ATXN1L: variants seen among roughly 807,000 people sequenced by gnomAD.
ATXN1L encodes ataxin 1 like.
ATXN1L carries 8 observed loss-of-function variants against 43.4 expected under a neutral mutation model. The observed-to-expected ratio is 0.18, with a 90% CI of 0.11 to 0.33. ATXN1L has a LOEUF of 0.33. Ranked by LOEUF, ATXN1L falls within the 10% of genes least tolerant of loss-of-function variation. The probability of loss-of-function intolerance (pLI) is 1.00; values close to 1 mark genes in which losing one functional copy is unlikely to be tolerated. For missense variants in ATXN1L, 856 were observed against 885.4 expected (o/e 0.97, Z 0.42); for synonymous variants, 379 against 360.6 (o/e 1.05, Z -0.58).
rs1020278921 is a variant in ATXN1L at position 71,851,535 on chromosome 16, A to G, written c.1795A>G (p.Ser599Gly). 6.4e-6 allele frequency: 10 copies of G among 1,551,330 alleles called. No individual in the cohort carries two copies. The Admixed American group carries it at 2.0e-4, about 30-fold the overall frequency. ...SVSQASCAPPSQLGPPRERPE... is the reference protein window; with the variant it reads ...SVSQASCAPPGQLGPPRERPE... ...TTCTCAGGCCAGCTGTGCTCCCCCA[A>G]GCCAGCTGGGTCCCCCCCGAGAAAG... is the stretch of plus-strand genomic sequence containing the variant. The change falls in exon 3 of 3, where the codon AGC (serine) becomes GGC (glycine). Residue 599 changes from serine (S) to glycine (G), a missense_variant. Transcript: ENST00000427980. The surrounding 1 kb of genome is among the most constrained non-coding windows in gnomAD (Gnocchi z 4.9).
rs777672824 is a variant in ATXN1L at position 71,851,666 on chromosome 16, C to T, written c.1926C>T (p.Ser642=). 44 of 1,514,202 alleles carry T rather than the reference C, an allele frequency of 2.9e-5. No homozygotes were observed. The highest frequency in any genetic ancestry group is 4.3e-5 in the Admixed American group (2 of 46,096). 93.8% of individuals were successfully genotyped at this position (1,514,202 alleles called of 1,614,324 possible). ...SRVVEPSQPE[S]GAQACWPAPS... Reference sequence around the variant, plus strand: ...TGGTAGAGCCTTCCCAGCCTGAGTCCGGTGCTCAGGCCTGCTGGCCAGCCC... The same window carrying T: ...TGGTAGAGCCTTCCCAGCCTGAGTCTGGTGCTCAGGCCTGCTGGCCAGCCC... Residue 642 remains serine, a synonymous_variant, in exon 3 of 3, where the codon TCC becomes TCT. Transcript: ENST00000427980. The surrounding 1 kb of genome is among the most constrained non-coding windows in gnomAD (Gnocchi z 4.9).
In ATXN1L at chr16:71,852,685, T is replaced by G. The variant is rs759339424; in HGVS notation, c.*875T>G. On this transcript the variant is annotated 3_prime_UTR_variant, in exon 3 of 3. Coordinates refer to ENST00000427980, the MANE Select transcript of ATXN1L (RefSeq NM_001137675.4). ...AGAATCTTGCTGGTAATGGTGACTT[T>G]AGAACTAGTAGACCCTTTTTCCCAG... The G allele has an allele frequency of 3.6e-5, 6 of 167,094 alleles. No homozygotes were observed. In the East Asian group the frequency reaches 1.2e-3, roughly 32 times the overall value. 10.4% of individuals were successfully genotyped at this position (167,094 alleles called of 1,614,324 possible). A position where few individuals can be genotyped will look rare whatever the true frequency, so the allele number is the denominator to read the frequency against.
chr16:71,849,882 G>C lies in ATXN1L; in HGVS notation c.142G>C (p.Gly48Arg). 6.4e-7 allele frequency: 1 copy of C among 1,551,500 alleles called. No homozygotes were observed. The highest frequency in any genetic ancestry group is 8.7e-7 in the Non-Finnish European group (1 of 1,146,862). ...PSSDASEWSR[G>R]VVVAGQSQAG... ...CAGTGATGCTTCTGAATGGTCCCGAGGGGTTGTGGTGGCTGGGCAGAGCCA... is the reference window on the plus strand; with the variant it reads ...CAGTGATGCTTCTGAATGGTCCCGACGGGTTGTGGTGGCTGGGCAGAGCCA... The change falls in exon 3 of 3, where the codon GGG becomes CGG. Residue 48 changes from glycine (G) to arginine (R), a missense_variant. Physicochemically the swap from Gly to Arg is moderately radical, Grantham distance 125. This residue lies in a region of ATXN1L where 93 missense variants were observed against 113.4 expected (regional missense o/e 0.82). Coordinates refer to ENST00000427980, the MANE Select transcript of ATXN1L (RefSeq NM_001137675.4).
rs1177458640 is a variant in ATXN1L, at chr16:71,851,385, G to C, written c.1645G>C (p.Gly549Arg). 2 of 1,551,602 alleles carry C rather than the reference G, an allele frequency of 1.3e-6. No individual in the cohort carries two copies. The highest frequency in any genetic ancestry group is 2.0e-5 in the Admixed American group (1 of 50,998). Residue 549 changes from glycine to arginine, a missense_variant, in exon 3 of 3, where the codon GGC (glycine) becomes CGC (arginine). By Grantham distance (125) the Gly-to-Arg change is moderately radical. Coordinates refer to ENST00000427980, the MANE Select transcript of ATXN1L (RefSeq NM_001137675.4). The surrounding 1 kb of genome is among the most constrained non-coding windows in gnomAD (Gnocchi z 4.9). ...CCCCGAGCACCCCTTCTTTGTATAT[G>C]GCCAGGGTTGGTCCTCTTGCAGCCC... ...VPPEHPFFVY[G>R]QGWSSCSPGR...
Position 71,850,180 on chromosome 16 carries a change from C to A in ATXN1L, c.440C>A (p.Pro147His), listed in dbSNP as rs375326053. 128 of 1,551,604 alleles carry A rather than the reference C, an allele frequency of 8.2e-5. No individual in the cohort carries two copies. The highest frequency in any genetic ancestry group is 1.1e-4 in the Non-Finnish European group (122 of 1,147,000). The change falls in exon 3 of 3, where the codon CCC (proline) becomes CAC (histidine). Residue 147 changes from proline (P) to histidine (H), a missense_variant. Around this residue, in one of 7 missense-constraint regions of ATXN1L, gnomAD observed 490 missense variants for 449.4 expected, o/e 1.09. Transcript: ENST00000427980. ...LQFIGSPYSL[P>H]YAVPPNFLPS... is the part of the protein sequence containing the mutation. ...TTCATTGGGTCTCCTTATAGCCTTC[C>A]CTATGCTGTGCCACCTAATTTCCTA...
At position 71,850,116 on chromosome 16, in the gene ATXN1L, C is replaced by A; in HGVS notation, c.376C>A (p.Pro126Thr). The A allele has an allele frequency of 6.4e-7, 1 of 1,551,732 alleles. No homozygotes were observed. The highest frequency in any genetic ancestry group is 8.7e-7 in the Non-Finnish European group (1 of 1,146,994). ...LIQHPGIHYP[P>T]LHYAQLPSTS... is the part of the protein sequence containing the mutation. ...TCAACATCCAGGCATCCACTATCCT[C>A]CACTCCACTATGCTCAGCTCCCATC... The change falls in exon 3 of 3, where the codon CCA becomes ACA. Residue 126 changes from proline to threonine, a missense_variant. Around this residue, in one of 7 missense-constraint regions of ATXN1L, gnomAD observed 490 missense variants for 449.4 expected, o/e 1.09. Transcript: ENST00000427980.
intron 1 of ATXN1L, among the ~76,000 whole-genome samples, chr16:71,846,726 A>G (rs970735693): frequency 8.5e-5 from 13 of 152,292 alleles, no homozygotes; most frequent in Non-Finnish European, 1.8e-4. Context: ...GAGGTTCTCG[A>G]GAGGCGGAGG....
intron 2 of ATXN1L, among the ~76,000 whole-genome samples, chr16:71,849,399 G>T (rs530887816): frequency 6.6e-6 from 1 of 152,056 alleles, no homozygotes; most frequent in Non-Finnish European, 1.5e-5. Context: ...TGGTGAATGC[G>T]TGTCCCTGTA....
chr16:71,850,202 C>T lies in ATXN1L; in HGVS notation c.462C>T (p.Phe154=). 1 of 1,551,730 alleles carries T rather than the reference C, an allele frequency of 6.4e-7. No homozygotes were observed. Among genetic ancestry groups the T allele is most frequent in the Non-Finnish European group, 8.7e-7 (1 of 1,146,988 alleles). The change falls in exon 3 of 3, where the codon TTC becomes TTT. Residue 154 remains phenylalanine (F), a synonymous_variant. Coordinates refer to ENST00000427980, the MANE Select transcript of ATXN1L (RefSeq NM_001137675.4). The part of the protein sequence containing the change: ...YSLPYAVPPN[F]LPSPLLSPSA... The stretch of plus-strand genomic sequence containing the variant: ...TTCCCTATGCTGTGCCACCTAATTT[C>T]CTACCGAGTCCCCTCCTATCTCCTT...
chr16:71,851,702 A>G lies in ATXN1L; in HGVS notation c.1962A>G (p.Gln654=), dbSNP rs1329139336. The G allele has an allele frequency of 7.4e-6, 11 of 1,487,040 alleles. No homozygotes were observed. In the East Asian group the frequency reaches 1.5e-4, roughly 20 times the overall value. 92.1% of individuals were successfully genotyped at this position (1,487,040 alleles called of 1,614,324 possible). A position where few individuals can be genotyped will look rare whatever the true frequency, so the allele number is the denominator to read the frequency against. The part of the protein sequence containing the change: ...AQACWPAPSF[Q]RYSMQGEEAR... ...CCTGCTGGCCAGCCCCGAGCTTCCA[A>G]AGATACAGCATGCAAGGGGAGGAGG... Residue 654 remains glutamine (Q), a synonymous_variant, in exon 3 of 3, where the codon CAA becomes CAG. Transcript: ENST00000427980. This position sits in a 1 kb window ranked among gnomAD's most constrained non-coding sequence, Gnocchi z 4.9.
In ATXN1L at chr16:71,850,139, A is replaced by T; in HGVS notation, c.399A>T (p.Pro133=). ...HYPPLHYAQL[P]STSLQFIGSP... ...CTCCACTCCACTATGCTCAGCTCCC[A>T]TCCACCTCGCTGCAGTTCATTGGGT... The change falls in exon 3 of 3, where the codon CCA becomes CCT. Residue 133 remains proline, a synonymous_variant. Transcript: ENST00000427980. 1 of 1,551,692 alleles carries T rather than the reference A, an allele frequency of 6.4e-7. No homozygotes were observed. The highest frequency in any genetic ancestry group is 8.7e-7 in the Non-Finnish European group (1 of 1,146,990).
In ATXN1L at chr16:71,849,216, T is replaced by TA. The variant is rs71153674; in HGVS notation, c.-117-382dup. Among the ~76,000 whole-genome samples the TA allele has an allele frequency of 6.8e-3, 487 of 71,216 alleles. 15 individuals carry two copies. Among genetic ancestry groups the TA allele is most frequent in the African/African-American group, 0.019 (347 of 18,646 alleles). 46.7% of individuals were successfully genotyped at this position (71,216 alleles called of 152,430 possible). A position where few individuals can be genotyped will look rare whatever the true frequency, so the allele number is the denominator to read the frequency against. The stretch of plus-strand genomic sequence containing the variant: ...AACAAGAGCAAAACTCCATGTGTTT[T>TA]AAAAAAAAAAAAAAAAAAAAAAAAA... On this transcript the variant is annotated intron_variant, in intron 2 of 2. Transcript: ENST00000427980.
In ATXN1L at chr16:71,850,285, C is replaced by A. The variant is rs748232260; in HGVS notation, c.545C>A (p.Ala182Asp). The change falls in exon 3 of 3, where the codon GCT (alanine) becomes GAT (aspartate). Residue 182 changes from alanine to aspartate, a missense_variant. By Grantham distance (126) the Ala-to-Asp change is moderately radical. Transcript: ENST00000427980. ...PHFVPYASLL[A>D]EGATPPPQAP... is the part of the protein sequence containing the mutation. The stretch of plus-strand genomic sequence containing the variant: ...TTTGTGCCATATGCCTCACTTCTGG[C>A]TGAAGGAGCCACTCCTCCCCCACAG... 1.7e-5 allele frequency: 27 copies of A among 1,551,534 alleles called. No individual in the cohort carries two copies. Among genetic ancestry groups the A allele is most frequent in the Non-Finnish European group, 2.3e-5 (26 of 1,146,982 alleles).
In ATXN1L at chr16:71,850,252, T is replaced by A; in HGVS notation, c.512T>A (p.Leu171His). 6.4e-7 allele frequency: 1 copy of A among 1,551,650 alleles called. No individual in the cohort carries two copies. The highest frequency in any genetic ancestry group is 1.2e-5 in the South Asian group (1 of 84,066). Residue 171 changes from leucine (L) to histidine (H), a missense_variant, in exon 3 of 3, where the codon CTT becomes CAT. This residue lies in a region of ATXN1L where 490 missense variants were observed against 449.4 expected (regional missense o/e 1.09). Coordinates refer to ENST00000427980, the MANE Select transcript of ATXN1L (RefSeq NM_001137675.4). ...TCTGCCAACCTTGCCACCTCTCACC[T>A]TCCACACTTTGTGCCATATGCCTCA... Reference protein sequence around the residue: ...SPSANLATSHLPHFVPYASLL... With the variant: ...SPSANLATSHHPHFVPYASLL...
chr16:71,850,915 C>T lies in ATXN1L; in HGVS notation c.1175C>T (p.Ala392Val). ...GCAGAGCTGGCAGAGAAAAGTCAGGCCCGTGGGTTCTACCCTCAGTCCCAT... is the reference window on the plus strand; with the variant it reads ...GCAGAGCTGGCAGAGAAAAGTCAGGTCCGTGGGTTCTACCCTCAGTCCCAT... ...NPAELAEKSQ[A>V]RGFYPQSHQE... is the part of the protein sequence containing the mutation. The change falls in exon 3 of 3, where the codon GCC (alanine) becomes GTC (valine). Residue 392 changes from alanine to valine, a missense_variant. Transcript: ENST00000427980. The T allele has an allele frequency of 6.4e-7, 1 of 1,551,638 alleles. No homozygotes were observed. The highest frequency in any genetic ancestry group is 8.7e-7 in the Non-Finnish European group (1 of 1,146,944).
chr16:71,856,241 C>A lies in ATXN1L; in HGVS notation c.*4431C>A, dbSNP rs1454144207. The A allele has an allele frequency of 1.8e-5, 3 of 167,076 alleles. No homozygotes were observed. The highest frequency in any genetic ancestry group is 7.2e-5 in the African/African-American group (3 of 41,426). 10.3% of individuals were successfully genotyped at this position (167,076 alleles called of 1,614,324 possible). ...TTCTTTATTAGTTCTCCAGTTAAAC[C>A]TAGATCCCTCCCTGGTAGATTGCGA... On this transcript the variant is annotated 3_prime_UTR_variant, in exon 3 of 3. Coordinates refer to ENST00000427980, the MANE Select transcript of ATXN1L (RefSeq NM_001137675.4).
rs1265783833 is a variant in ATXN1L, at chr16:71,853,692, T to C, written c.*1882T>C. 6.0e-6 allele frequency: 1 copy of C among 166,944 alleles called. No individual in the cohort carries two copies. The highest frequency in any genetic ancestry group is 2.4e-5 in the African/African-American group (1 of 41,404). 10.3% of individuals were successfully genotyped at this position (166,944 alleles called of 1,614,324 possible). On this transcript the variant is annotated 3_prime_UTR_variant, in exon 3 of 3. Coordinates refer to ENST00000427980, the MANE Select transcript of ATXN1L (RefSeq NM_001137675.4). ...TCTGAGAATGGAGTCATTCTTAGTG[T>C]TCAGGTGCTAAAGGTTGTTCTCCTG...
Position 71,854,998 on chromosome 16 carries a change from CTTGGTCCCAG to C in ATXN1L, c.*3195_*3204del, listed in dbSNP as rs1205888661. Reference sequence around the variant, plus strand: ...CAATCTGGGCTGGTCCTTCTATATTCTTGGTCCCAGTTGGTCATAACACCAAGGGCTTTGC... The same window carrying C: ...CAATCTGGGCTGGTCCTTCTATATTCTTGGTCATAACACCAAGGGCTTTGC... On this transcript the variant is annotated 3_prime_UTR_variant, in exon 3 of 3. Transcript: ENST00000427980. 2 of 167,160 alleles carry C rather than the reference CTTGGTCCCAG, an allele frequency of 1.2e-5. No individual in the cohort carries two copies. The highest frequency in any genetic ancestry group is 2.9e-5 in the Non-Finnish European group (2 of 68,190). 10.4% of individuals were successfully genotyped at this position (167,160 alleles called of 1,614,324 possible).
At position 71,852,063 on chromosome 16, in the gene ATXN1L, A is replaced by T. The variant is rs868435008; in HGVS notation, c.*253A>T. On this transcript the variant is annotated 3_prime_UTR_variant, in exon 3 of 3. Transcript: ENST00000427980. ...CTGGGGCAAGGAAGGAAGGGGGTGCACACAGGAGAAGAAACATTCCAAAAT... is the reference window on the plus strand; with the variant it reads ...CTGGGGCAAGGAAGGAAGGGGGTGCTCACAGGAGAAGAAACATTCCAAAAT... 4 of 351,860 alleles carry T rather than the reference A, an allele frequency of 1.1e-5. No homozygotes were observed. The highest frequency in any genetic ancestry group is 6.3e-5 in the African/African-American group (3 of 47,346). The allele number at this position is 351,860 out of a possible 1,614,324, so 21.8% of individuals were successfully genotyped here.
Sources: gnomAD v4.1 joint callset for allele counts (sites outside exome capture counted in the v4.1 genomes callset) on GRCh38, gnomAD v4.1.1 for gene constraint, gnomAD v4.1.1 regional missense constraint, Gnocchi (gnomAD v3.1) non-coding constraint, MANE v1.5 for transcripts, NCBI Gene and HGNC (gene_info 2026-07-23, HGNC 2026-07-21) for gene names.